EYS: variants seen among roughly 807,000 people sequenced by gnomAD.
The protein encoded by EYS is EGF-like photoreceptor maintenance factor.
A neutral mutation model predicts 282.1 loss-of-function variants in EYS; 250 were observed. The ratio of observed to expected loss-of-function variants is 0.89; its 90% CI spans 0.80 to 0.98. The LOEUF (loss-of-function observed/expected upper bound fraction) is 0.98. Ranked by LOEUF, EYS falls within the 50% of genes least tolerant of loss-of-function variation. The pLI, the probability that EYS is intolerant of heterozygous loss-of-function variation, is 0.00. For missense variants in EYS, 4,016 were observed against 3,709.0 expected (o/e 1.08, Z -2.15); for synonymous variants, 1,355 against 1,282.9 (o/e 1.06, Z -1.20).
intron 40 of EYS, among the ~76,000 whole-genome samples, chr6:63,765,235 G>A (rs921173645): frequency 6.6e-6 from 1 of 152,040 alleles, no homozygotes; most frequent in African/African-American, 2.4e-5. Flanking sequence ...AACACAGGAG[G>A]CTCCATTTTT....
intron 1 of EYS, among the ~76,000 whole-genome samples, chr6:65,701,105 A>G (rs1459196834): frequency 1.3e-5 from 2 of 152,204 alleles, no homozygotes. Context: ...TCTCAGGAGT[A>G]TATATCCAGG....
At chr6:65,013,215 A>C (rs1771935072) in intron 13 of EYS, among the ~76,000 whole-genome samples, 1 of 152,194 alleles carries the variant, frequency 6.6e-6, no homozygotes, top group South Asian at 2.1e-4. Flanking sequence ...CTTTGTAAAT[A>C]ATTTTGTATA....
intron 12 of EYS, among the ~76,000 whole-genome samples, chr6:65,289,257 G>A (rs984045040): frequency 6.6e-6 from 1 of 150,818 alleles, no homozygotes; most frequent in African/African-American, 2.4e-5. Context: ...TAAAATTTTA[G>A]AACTACTTGA....
rs753750493 is a variant in EYS, at chr6:63,788,234, T to G, written c.7594A>C (p.Asn2532His). 1 of 1,536,092 alleles carries G rather than the reference T, an allele frequency of 6.5e-7. No individual in the cohort carries two copies. The highest frequency in any genetic ancestry group is 1.3e-5 in the South Asian group (1 of 79,212). ...CTTCCTGGGGCGATAATGGATTTATTTTTATGATCATCTACCTTCGAAAGG... is the reference window on the plus strand; with the variant it reads ...CTTCCTGGGGCGATAATGGATTTATGTTTATGATCATCTACCTTCGAAAGG... ...EGWLKVDDHKNKSIIAPGRLV... is the reference protein window; with the variant it reads ...EGWLKVDDHKHKSIIAPGRLV... The change falls in exon 39 of 43, where the codon AAT (asparagine) becomes CAT (histidine). Residue 2532 changes from asparagine (N) to histidine (H), a missense_variant. Coordinates refer to ENST00000503581, the MANE Select transcript of EYS (RefSeq NM_001142800.2).
intron 2 of EYS, among the ~76,000 whole-genome samples, chr6:65,534,019 C>T (rs931664376): frequency 3.3e-5 from 5 of 151,800 alleles, no homozygotes; most frequent in African/African-American, 1.2e-4. Context: ...TGCCATTGCT[C>T]ATACTTCTTG....
chr6:65,263,705 G>GTT (rs1349511350), intron 12 of EYS, among the ~76,000 whole-genome samples: 64 of 127,884 alleles, frequency 5.0e-4, no homozygotes, highest in African/African-American at 2.2e-3. Context: ...AGGCAAAGCT[G>GTT]TGTGTGTGTG....
At chr6:65,366,594 C>T (rs1315475451) in intron 8 of EYS, among the ~76,000 whole-genome samples, 1 of 151,694 alleles carries the variant, frequency 6.6e-6, no homozygotes, top group Non-Finnish European at 1.5e-5. Context: ...AGCAAGTTTA[C>T]TTTGGTGTAA....
At chr6:65,592,372 T>C (rs2127368793) in intron 2 of EYS, among the ~76,000 whole-genome samples, 1 of 152,152 alleles carries the variant, frequency 6.6e-6, no homozygotes, top group Non-Finnish European at 1.5e-5. Context: ...ATTCAAGTTT[T>C]AATATTTAAC....
rs559775013 is a variant in EYS, at chr6:63,837,001, G to A, written c.7228+27185C>T. Reference sequence around the variant, plus strand: ...TCTCCTTTTGAAACAGTTAATTTGAGGGTTGGGACTATTTTTGTTTTGTAT... The same window carrying A: ...TCTCCTTTTGAAACAGTTAATTTGAAGGTTGGGACTATTTTTGTTTTGTAT... On this transcript the variant is annotated intron_variant, in intron 36 of 42. Transcript: ENST00000503581. 7.2e-5 allele frequency among the ~76,000 whole-genome samples: 11 copies of A among 151,978 alleles called. No homozygotes were observed. The South Asian group carries it at 2.1e-3, about 29-fold the overall frequency.
intron 31 of EYS, among the ~76,000 whole-genome samples, chr6:64,195,353 T>G (rs537098410): frequency 6.6e-6 from 1 of 152,298 alleles, no homozygotes; most frequent in South Asian, 2.1e-4. Flanking sequence ...CCCAGGCTGG[T>G]GTGCAGAGGC....
chr6:63,909,534 TA>T (rs1403565768), intron 35 of EYS, among the ~76,000 whole-genome samples: 2 of 152,336 alleles, frequency 1.3e-5, no homozygotes, highest in South Asian at 2.1e-4. Context: ...AGGCAATTGT[TA>T]AATTTCAGGA....
At chr6:64,310,503 C>G (rs1769650749) in intron 29 of EYS, among the ~76,000 whole-genome samples, 1 of 152,152 alleles carries the variant, frequency 6.6e-6, no homozygotes, top group Admixed American at 6.5e-5. Flanking sequence ...ACCACATGTT[C>G]TCACTTAGAA....
rs201498090 is a variant in EYS at position 64,372,130 on chromosome 6, G to GTTTTTTTTTTTTTTTTT, written c.6078+16543_6078+16559dup. On this transcript the variant is annotated intron_variant, in intron 29 of 42. Transcript: ENST00000503581. ...TAGCATCACTGGTCTGTATACTTGT[G>GTTTTTTTTTTTTTTTTT]TTTTTTTTTTTTTTTTTTTTTTTTT... is the stretch of plus-strand genomic sequence containing the variant. 6.1e-4 allele frequency among the ~76,000 whole-genome samples: 60 copies of GTTTTTTTTTTTTTTTTT among 97,706 alleles called. 5 individuals carry two copies. Among genetic ancestry groups the GTTTTTTTTTTTTTTTTT allele is most frequent in the African/African-American group, 1.5e-3 (31 of 21,240 alleles). The allele number at this position is 97,706 out of a possible 152,430, so 64.1% of individuals were successfully genotyped here.
At chr6:63,956,967 A>C (rs548616225) in intron 35 of EYS, among the ~76,000 whole-genome samples, 6 of 152,200 alleles carry the variant, frequency 3.9e-5, no homozygotes, top group Non-Finnish European at 8.8e-5. Flanking sequence ...CTATAGCTTC[A>C]TCACACATTA....
At chr6:64,395,734 G>A (rs531766196) in intron 28 of EYS, among the ~76,000 whole-genome samples, 1 of 150,808 alleles carries the variant, frequency 6.6e-6, no homozygotes, top group Non-Finnish European at 1.5e-5. Context: ...GTATACATAT[G>A]TAACTAACCT....
At chr6:64,325,412 C>G (rs920627859) in intron 29 of EYS, among the ~76,000 whole-genome samples, 2 of 152,170 alleles carry the variant, frequency 1.3e-5, no homozygotes, top group Non-Finnish European at 2.9e-5. Flanking sequence ...AGAATCGGAA[C>G]AACAGCCTTT....
At chr6:65,321,810 G>A (rs1321953369) in intron 11 of EYS, among the ~76,000 whole-genome samples, 7 of 152,182 alleles carry the variant, frequency 4.6e-5, no homozygotes, top group Non-Finnish European at 1.0e-4. Context: ...AAATCAGTGA[G>A]AGAGACAATG....
At chr6:64,030,727 G>T (rs1769781779) in intron 33 of EYS, among the ~76,000 whole-genome samples, 1 of 152,108 alleles carries the variant, frequency 6.6e-6, no homozygotes, top group African/African-American at 2.4e-5. Context: ...TTTTTAACCT[G>T]CTTGTCAAAT....
At chr6:64,854,482 T>C (rs1403785187) in intron 19 of EYS, among the ~76,000 whole-genome samples, 1 of 151,518 alleles carries the variant, frequency 6.6e-6, no homozygotes, top group Non-Finnish European at 1.5e-5. Flanking sequence ...CTCAGCAAAC[T>C]ATCACAAGGA....
Sources: allele counts gnomAD v4.1 joint callset (sites outside exome capture counted in the v4.1 genomes callset), GRCh38; gene constraint gnomAD v4.1.1; transcripts MANE v1.5; gene names NCBI Gene and HGNC (gene_info 2026-07-23, HGNC 2026-07-21).